COCH: variants seen among roughly 807,000 people sequenced by gnomAD.
COCH encodes the protein coagulation factor C homolog, cochlin (Limulus polyphemus).
In COCH, 40 loss-of-function variants were observed where a neutral mutation model predicts 54.8. That is an observed-to-expected ratio of 0.73 (90% CI 0.57 to 0.95). The LOEUF is 0.95. Ranked by LOEUF, COCH falls within the 40% of genes least tolerant of loss-of-function variation. The pLI, the probability that COCH is intolerant of heterozygous loss-of-function variation, is 0.00. For missense variants in COCH, 605 were observed against 675.0 expected, an observed-to-expected ratio of 0.90 and a Z score of 1.15; for synonymous variants, 256 against 237.9, an observed-to-expected ratio of 1.08 and a Z score of -0.70.
downstream of COCH, among the ~76,000 whole-genome samples, chr14:30,890,884 A>C (rs1180004847): frequency 3.3e-5 from 5 of 151,856 alleles, no homozygotes; most frequent in African/African-American, 1.2e-4. Context: ...AAAAAAGAAA[A>C]AAAAATTAGC....
chr14:30,887,470 A>G (rs1895830293), intron 11 of COCH, among the ~76,000 whole-genome samples: 1 of 152,102 alleles, frequency 6.6e-6, no homozygotes, highest in Non-Finnish European at 1.5e-5. Context: ...GTGTTATAAA[A>G]GGGTATAAGA....
At chr14:30,874,864 C>T in intron 1 of COCH, 52 bp from the exon 2 acceptor site, 11 of 1,554,836 alleles carry the variant, frequency 7.1e-6, no homozygotes, top group South Asian at 3.3e-5. Context: ...GAGGAGGTGA[C>T]GCGCGGGGCC....
At chr14:30,881,210 C>G (rs1198437608) in intron 8 of COCH, among the ~76,000 whole-genome samples, 2 of 103,692 alleles carry the variant, frequency 1.9e-5, no homozygotes, top group African/African-American at 8.2e-5. Flanking sequence ...GAGACTATGT[C>G]TCAAAAAAAA....
rs999157851 is a variant in COCH, at chr14:30,890,570, A to T, written c.*779A>T. The T allele has an allele frequency of 6.4e-5, 62 of 968,776 alleles. No homozygotes were observed. The highest frequency in any genetic ancestry group is 7.4e-5 in the Non-Finnish European group (60 of 814,432). The allele number at this position is 968,776 out of a possible 1,614,324, so 60.0% of individuals were successfully genotyped here. On this transcript the variant is annotated 3_prime_UTR_variant, in exon 12 of 12. Transcript: ENST00000396618. ...CATTTCAAATAACTGCAGAAAAAAT[A>T]TTGTAGTTTGAATATTTAAGCAATA...
At chr14:30,892,828 A>G (rs112481214), downstream of COCH, among the ~76,000 whole-genome samples, 35,788 of 151,602 alleles carry the variant, frequency 0.24, 4,486 homozygotes, top group Middle Eastern at 0.29. Context: ...AAAAAAACAA[A>G]AAACTTGAAA....
chr14:30,885,650 A>G (rs1468840335), intron 10 of COCH, 30 bp downstream of exon 10: 5 of 1,479,158 alleles, frequency 3.4e-6, no homozygotes, highest in Non-Finnish European at 4.7e-6. Flanking sequence ...CTTCTGTTAC[A>G]GTGATGGGTA....
At chr14:30,888,131 ATT>A (rs67814031) in intron 11 of COCH, among the ~76,000 whole-genome samples, 81 of 148,560 alleles carry the variant, frequency 5.5e-4, no homozygotes, top group African/African-American at 1.9e-3. Flanking sequence ...TGGTGTGATT[ATT>A]TTTTTTTTTA....
chr14:30,881,077 T>TACA (rs1895563641), intron 8 of COCH, among the ~76,000 whole-genome samples: 1 of 151,958 alleles, frequency 6.6e-6, no homozygotes, highest in Admixed American at 6.6e-5. Flanking sequence ...TAGCCAGATG[T>TACA]GGTGGCATGC....
Position 30,874,915 on chromosome 14 carries a change from G to T in COCH, c.-23-1G>T, listed in dbSNP as rs565782596. 470 of 1,613,452 alleles carry T rather than the reference G, an allele frequency of 2.9e-4. 7 individuals are homozygous for T. The South Asian group carries it at 5.0e-3, about 17-fold the overall frequency. ...TTGCCCGCATTCTCCCTCTCTCCCA[G>T]GTGTGAGCAGCCTATCAGTCACCAT... On this transcript the variant is annotated splice_acceptor_variant, in intron 1 of 11. Transcript: ENST00000396618. LOFTEE classifies it low-confidence loss of function (5UTR_SPLICE).
intron 3 of COCH, chr14:30,876,156 A>T (rs768238236): frequency 6.6e-6 from 1 of 152,230 alleles, no homozygotes; most frequent in African/African-American, 2.4e-5. Context: ...TATATGTTTT[A>T]AAAAGGTTTG....
intron 8 of COCH, among the ~76,000 whole-genome samples, chr14:30,883,676 G>A (rs1895688216): frequency 6.6e-6 from 1 of 152,052 alleles, no homozygotes; most frequent in South Asian, 2.1e-4. Flanking sequence ...CTTAAATTTT[G>A]CACTAGGAAA....
chr14:30,878,592 G>A (rs983120983), intron 4 of COCH, among the ~76,000 whole-genome samples: 2 of 152,192 alleles, frequency 1.3e-5, no homozygotes, highest in African/African-American at 2.4e-5. Flanking sequence ...TGGAGGTGGA[G>A]GTTGCAGTGA....
chr14:30,892,824 A>C (rs1211021087), downstream of COCH, among the ~76,000 whole-genome samples: 3 of 142,492 alleles, frequency 2.1e-5, no homozygotes, highest in South Asian at 2.2e-4. Flanking sequence ...AAAAAAAAAA[A>C]CAAAAAACTT....
downstream of COCH, among the ~76,000 whole-genome samples, chr14:30,892,741 A>C (rs1160043050): frequency 6.6e-6 from 1 of 152,026 alleles, no homozygotes; most frequent in Non-Finnish European, 1.5e-5. Context: ...TGGGAGACGG[A>C]GGTTGCAGCG....
chr14:30,884,844 G>A (rs1369979108), intron 9 of COCH, 188 bp downstream of exon 9: 1 of 1,452,550 alleles, frequency 6.9e-7, no homozygotes, highest in Non-Finnish European at 9.2e-7. Context: ...CCAAAGTGTT[G>A]ATATTTCTTA....
Position 30,882,134 on chromosome 14 carries a change from T to TTTTTTTTTG in COCH, c.629+1408_629+1409insGTTTTTTTT, listed in dbSNP as rs1566410431. ...ACTATAAAATGGTTTTTTTTTTTTT[T>TTTTTTTTTG]TTTTTTTTTTTTTGAGACGGAGTTT... On this transcript the variant is annotated intron_variant, in intron 8 of 11. Coordinates refer to ENST00000396618, the MANE Select transcript of COCH (RefSeq NM_004086.3). Among the ~76,000 whole-genome samples, 5 of 124,802 alleles carry TTTTTTTTTG rather than the reference T, an allele frequency of 4.0e-5. No homozygotes were observed. The East Asian group carries it at 1.1e-3, about 27-fold the overall frequency. The allele number at this position is 124,802 out of a possible 152,430, so 81.9% of individuals were successfully genotyped here.
At chr14:30,880,374 A>G in intron 6 of COCH, 78 bp from the exon 7 acceptor site, 3 of 1,587,828 alleles carry the variant, frequency 1.9e-6, no homozygotes, top group Non-Finnish European at 2.6e-6. Context: ...CTCTGTTGTT[A>G]TGAGCTTCTC....
At chr14:30,892,657 A>C (rs1360254050), downstream of COCH, among the ~76,000 whole-genome samples, 2 of 152,122 alleles carry the variant, frequency 1.3e-5, no homozygotes, top group Admixed American at 6.6e-5. Flanking sequence ...AAAATACAAA[A>C]TTAACCAGGT....
In COCH at chr14:30,890,324, A is replaced by G; in HGVS notation, c.*533A>G. 1.0e-6 allele frequency: 1 copy of G among 985,772 alleles called. No homozygotes were observed. The highest frequency in any genetic ancestry group is 1.2e-6 in the Non-Finnish European group (1 of 830,148). 61.1% of individuals were successfully genotyped at this position (985,772 alleles called of 1,614,324 possible). On this transcript the variant is annotated 3_prime_UTR_variant, in exon 12 of 12. Coordinates refer to ENST00000396618, the MANE Select transcript of COCH (RefSeq NM_004086.3). ...ACTATAAAATCTGGATATAGAAAGG[A>G]GACCTGTATCAAACTGCTTTTGTAG...
Sources: allele counts gnomAD v4.1 joint callset (sites outside exome capture counted in the v4.1 genomes callset), GRCh38; gene constraint gnomAD v4.1.1; transcripts MANE v1.5; gene names NCBI Gene and HGNC (gene_info 2026-07-23, HGNC 2026-07-21).